Variants in COL4A6 observed in about 807,000 individuals in gnomAD.
COL4A6 encodes the protein collagen alpha-6(IV) chain.
COL4A6 carries 59 observed loss-of-function variants against 126.7 expected under a neutral mutation model. That is an observed-to-expected ratio of 0.47 (90% CI 0.38 to 0.58). The LOEUF is 0.58. Among genes scored for constraint, COL4A6 ranks in the 20% least tolerant of loss-of-function variants. The pLI, the probability that COL4A6 is intolerant of heterozygous loss-of-function variation, is 0.00. For synonymous variants in COL4A6, 547 were observed against 496.6 expected (o/e 1.10, Z -1.35); for missense variants, 1,285 against 1,337.3 (o/e 0.96, Z 0.61).
chrX:108,190,595 A>G, intron 19 of COL4A6, 99 bp from the exon 20 acceptor site: 1 of 498,687 alleles, frequency 2.0e-6, no homozygotes, highest in Non-Finnish European at 3.4e-6. Context: ...CAAGTCCTTG[A>G]GGCTGAACAA....
At chrX:108,428,443 G>A (rs1449548181) in intron 2 of COL4A6, among the ~76,000 whole-genome samples, 1 of 111,691 alleles carries the variant, frequency 9.0e-6, no homozygotes, top group African/African-American at 3.3e-5. Context: ...GCACCTACCT[G>A]GTGCATGGCA....
chrX:108,357,934 T>G (rs138348962), intron 2 of COL4A6, among the ~76,000 whole-genome samples: 1,577 of 111,550 alleles, frequency 0.014, 23 homozygotes, highest in African/African-American at 0.049. Context: ...CCTGTTAAAA[T>G]CAGTTGTAAG....
chrX:108,279,772 T>A (rs1398578252), intron 3 of COL4A6, among the ~76,000 whole-genome samples: 1 of 111,201 alleles, frequency 9.0e-6, no homozygotes, highest in African/African-American at 3.3e-5. Context: ...ATGTAAAAGA[T>A]CAGAAATTAT....
intron 3 of COL4A6, chrX:108,268,776 C>T (rs1220387789): frequency 2.6e-5 from 4 of 152,523 alleles, no homozygotes; most frequent in African/African-American, 6.3e-5. Flanking sequence ...GAGGGCCAAA[C>T]GCAGACATTG....
At chrX:108,191,895 T>A (rs1375855812) in intron 18 of COL4A6, among the ~76,000 whole-genome samples, 2 of 111,913 alleles carry the variant, frequency 1.8e-5, no homozygotes, top group Non-Finnish European at 3.8e-5. Context: ...GCAGCCCATC[T>A]CCAAGGAATT....
chrX:108,285,442 A>G (rs1340177481), intron 3 of COL4A6, among the ~76,000 whole-genome samples: 1 of 112,110 alleles, frequency 8.9e-6, no homozygotes, highest in East Asian at 2.8e-4. Flanking sequence ...AGGATGAGAA[A>G]GCTTTTATCG....
intron 31 of COL4A6, among the ~76,000 whole-genome samples, chrX:108,173,387 C>A (rs779359179): frequency 3.6e-5 from 4 of 111,917 alleles, no homozygotes; most frequent in African/African-American, 1.3e-4. Context: ...TGCATTCCCA[C>A]TTTGTTTTCA....
chrX:108,283,885 G>C (rs1182728021), intron 3 of COL4A6, among the ~76,000 whole-genome samples: 2 of 111,662 alleles, frequency 1.8e-5, no homozygotes, highest in South Asian at 7.6e-4. Flanking sequence ...GGTGGGCTGT[G>C]GGGGAGGAAG....
At chrX:108,183,341 A>G (rs1156263146) in intron 23 of COL4A6, among the ~76,000 whole-genome samples, 5 of 112,182 alleles carry the variant, frequency 4.5e-5, no homozygotes, top group African/African-American at 1.3e-4. Flanking sequence ...TCTGGGCCCA[A>G]TGAATAAAGT....
At chrX:108,159,860 C>T (rs1241976542) in intron 43 of COL4A6, 112 bp from the exon 44 acceptor site, 1 of 787,337 alleles carries the variant, frequency 1.3e-6, no homozygotes, top group Non-Finnish European at 2.0e-6. Context: ...GCAGCCCTCT[C>T]CTTCCAATCC....
intron 2 of COL4A6, among the ~76,000 whole-genome samples, chrX:108,344,451 G>A (rs1183896831): frequency 9.0e-6 from 1 of 111,501 alleles, no homozygotes; most frequent in Non-Finnish European, 1.9e-5. Context: ...AGAGTTTTCA[G>A]AAAGATTTTG....
intron 2 of COL4A6, among the ~76,000 whole-genome samples, chrX:108,419,809 C>T (rs2041498484): frequency 8.9e-6 from 1 of 111,756 alleles, no homozygotes; most frequent in Admixed American, 9.5e-5. Flanking sequence ...CAAAATTGTT[C>T]TAAGCTAATA....
chrX:108,313,395 G>A (rs762867998), intron 2 of COL4A6, among the ~76,000 whole-genome samples: 8 of 111,851 alleles, frequency 7.2e-5, no homozygotes, highest in Admixed American at 1.9e-4. Flanking sequence ...AACTCTATCC[G>A]AGCAGTACTT....
In COL4A6 at chrX:108,155,997, A is replaced by G. The variant is rs2033724642; in HGVS notation, c.*1003T>C. On this transcript the variant is annotated 3_prime_UTR_variant, in exon 45 of 45. Transcript: ENST00000334504. ...CCTGTGAAAGAGCAATTGGATAACC[A>G]TTTAACAAAGTCTTTAACATCCTCA... 2 of 112,414 alleles carry G rather than the reference A, an allele frequency of 1.8e-5. No individual in the cohort carries two copies. The highest frequency in any genetic ancestry group is 6.5e-5 in the African/African-American group (2 of 30,893). The allele number at this position is 112,414 out of a possible 1,213,427, so 9.3% of individuals were successfully genotyped here.
In COL4A6 at chrX:108,315,362, C is replaced by T. The variant is rs12863957; in HGVS notation, c.64-4534G>A. Among the ~76,000 whole-genome samples the T allele has an allele frequency of 3.4e-3, 381 of 111,253 alleles. 1 individual carries two copies. The highest frequency in any genetic ancestry group is 2.4e-3 in the Admixed American group (25 of 10,478). On this transcript the variant is annotated intron_variant, in intron 2 of 44. Transcript: ENST00000334504. Reference sequence around the variant, plus strand: ...TTCAAGCCATTCTCTGCCTCAGCTTCCTGAGTAGCTGGGATTACAGGCACC... The same window carrying T: ...TTCAAGCCATTCTCTGCCTCAGCTTTCTGAGTAGCTGGGATTACAGGCACC...
intron 2 of COL4A6, among the ~76,000 whole-genome samples, chrX:108,343,163 ATAGTGTGTGTGTGTGT>A (rs1342661163): frequency 2.2e-4 from 7 of 32,484 alleles, no homozygotes; most frequent in Admixed American, 4.1e-4. Flanking sequence ...ATATATATAT[ATAGTGTGTGTGTGTGT>A]GTGTGTGTGT....
chrX:108,251,684 C>T (rs2036853837), intron 3 of COL4A6, among the ~76,000 whole-genome samples: 1 of 111,672 alleles, frequency 9.0e-6, no homozygotes, highest in African/African-American at 3.3e-5. Flanking sequence ...GACAGATAAA[C>T]AAAAGTAATG....
intron 2 of COL4A6, among the ~76,000 whole-genome samples, chrX:108,402,536 G>A (rs2041110632): frequency 9.1e-6 from 1 of 109,603 alleles, no homozygotes; most frequent in Non-Finnish European, 1.9e-5. Flanking sequence ...GATTTGTTCT[G>A]TTTTTCTTTT....
At chrX:108,377,301 G>T (rs1388515700) in intron 2 of COL4A6, among the ~76,000 whole-genome samples, 3 of 111,601 alleles carry the variant, frequency 2.7e-5, no homozygotes, top group Non-Finnish European at 3.8e-5. Flanking sequence ...ATACAATTGG[G>T]CTTTACACTG....
Sources: gnomAD v4.1 joint callset for allele counts (sites outside exome capture counted in the v4.1 genomes callset) on GRCh38, gnomAD v4.1.1 for gene constraint, MANE v1.5 for transcripts, NCBI Gene and HGNC (gene_info 2026-07-23, HGNC 2026-07-21) for gene names.